SLC2A13: variants seen among roughly 807,000 people sequenced by gnomAD.
The protein encoded by SLC2A13 is solute carrier family 2 member 13, also known as proton myo-inositol cotransporter.
A neutral mutation model predicts 64.4 loss-of-function variants in SLC2A13; 32 were observed. The ratio of observed to expected loss-of-function variants is 0.50; its 90% CI spans 0.37 to 0.67. The LOEUF (loss-of-function observed/expected upper bound fraction) is 0.67. Ranked by LOEUF, SLC2A13 falls within the 30% of genes least tolerant of loss-of-function variation. The pLI, the probability that SLC2A13 is intolerant of heterozygous loss-of-function variation, is 0.00. For synonymous variants in SLC2A13, 338 were observed against 327.1 expected (o/e 1.03, Z -0.36); for missense variants, 743 against 829.2 (o/e 0.90, Z 1.28).
chr12:39,846,908 C>G (rs542035247), intron 6 of SLC2A13, among the ~76,000 whole-genome samples: 134 of 152,224 alleles, frequency 8.8e-4, no homozygotes, highest in African/African-American at 3.2e-3. Context: ...GATACTGTGA[C>G]CATTCTTTTT....
intron 1 of SLC2A13, among the ~76,000 whole-genome samples, chr12:40,101,939 T>C (rs142794163): frequency 0.019 from 400 of 21,430 alleles, 3 homozygotes; most frequent in African/African-American, 0.073. Context: ...TGAGGTAATA[T>C]GTGTAAAGTA....
intron 3 of SLC2A13, among the ~76,000 whole-genome samples, chr12:39,953,480 CATCATTA>C (rs1946267318): frequency 6.6e-6 from 1 of 151,908 alleles, no homozygotes; most frequent in Admixed American, 6.6e-5. Flanking sequence ...AAATGAAAAC[CATCATTA>C]ATCTTTATAT....
At chr12:39,763,419 T>C (rs1340010530) in intron 9 of SLC2A13, among the ~76,000 whole-genome samples, 1 of 152,058 alleles carries the variant, frequency 6.6e-6, no homozygotes, top group African/African-American at 2.4e-5. Context: ...ATCTGCAAAA[T>C]TTATCCATGT....
intron 1 of SLC2A13, among the ~76,000 whole-genome samples, chr12:40,060,888 G>C (rs1470904499): frequency 6.6e-6 from 1 of 152,116 alleles, no homozygotes; most frequent in Non-Finnish European, 1.5e-5. Flanking sequence ...ATCTTGTGGT[G>C]CATAAATGCA....
intron 4 of SLC2A13, among the ~76,000 whole-genome samples, chr12:39,902,226 A>C (rs1323213769): frequency 6.6e-6 from 1 of 150,986 alleles, no homozygotes; most frequent in Non-Finnish European, 1.5e-5. Context: ...GCATTAGGAG[A>C]TATACCTAAT....
chr12:40,101,145 T>C (rs1233347431), intron 1 of SLC2A13, among the ~76,000 whole-genome samples: 1 of 148,100 alleles, frequency 6.8e-6, no homozygotes, highest in Non-Finnish European at 1.5e-5. Flanking sequence ...AAGAGAAAAA[T>C]AAACTAGAGG....
intron 4 of SLC2A13, among the ~76,000 whole-genome samples, chr12:39,905,043 C>T (rs1430685991): frequency 1.3e-5 from 2 of 152,094 alleles, no homozygotes; most frequent in African/African-American, 4.8e-5. Flanking sequence ...TAGTGACAAG[C>T]CACCAAATTA....
At chr12:40,013,539 A>G (rs1338494499) in intron 3 of SLC2A13, among the ~76,000 whole-genome samples, 1 of 152,236 alleles carries the variant, frequency 6.6e-6, no homozygotes, top group Non-Finnish European at 1.5e-5. Context: ...TCTAGATATT[A>G]AGTAACACCC....
chr12:39,893,620 G>A (rs1159105282), intron 4 of SLC2A13, among the ~76,000 whole-genome samples: 1 of 152,178 alleles, frequency 6.6e-6, no homozygotes, highest in Non-Finnish European at 1.5e-5. Flanking sequence ...TTTCTAATAA[G>A]AGTAAAATCC....
intron 7 of SLC2A13, among the ~76,000 whole-genome samples, chr12:39,815,654 T>C (rs1942318764): frequency 2.0e-5 from 3 of 152,116 alleles, no homozygotes; most frequent in Admixed American, 6.5e-5. Flanking sequence ...TTATTGGTTA[T>C]AGAAAAAGCA....
chr12:39,898,542 A>G (rs1174251642), intron 4 of SLC2A13, among the ~76,000 whole-genome samples: 1 of 152,158 alleles, frequency 6.6e-6, no homozygotes, highest in East Asian at 1.9e-4. Flanking sequence ...TCCTTCAGCT[A>G]AACACCAGGC....
chr12:40,091,734 C>CA (rs1161620828), intron 1 of SLC2A13, among the ~76,000 whole-genome samples: 4 of 152,176 alleles, frequency 2.6e-5, no homozygotes, highest in Non-Finnish European at 5.9e-5. Flanking sequence ...GTTTTAATTA[C>CA]ACATGTGCCA....
intron 6 of SLC2A13, chr12:39,835,816 T>C (rs1432298175): frequency 6.6e-6 from 1 of 152,102 alleles, no homozygotes; most frequent in African/African-American, 2.4e-5. Flanking sequence ...TTGTACTTGG[T>C]TTATGGAAAA....
At chr12:40,060,221 CATATG>C (rs1008199150) in intron 1 of SLC2A13, among the ~76,000 whole-genome samples, 3 of 152,104 alleles carry the variant, frequency 2.0e-5, no homozygotes, top group Admixed American at 2.0e-4. Flanking sequence ...AGGTAAATAA[CATATG>C]ATAGGTATAT....
chr12:39,918,246 A>G (rs1404922702), intron 4 of SLC2A13, among the ~76,000 whole-genome samples: 1 of 152,124 alleles, frequency 6.6e-6, no homozygotes, highest in East Asian at 1.9e-4. Flanking sequence ...TTTCCTAGCA[A>G]GTATAAACCC....
At chr12:39,793,387 CA>C (rs1941472370) in intron 7 of SLC2A13, among the ~76,000 whole-genome samples, 2 of 152,038 alleles carry the variant, frequency 1.3e-5, no homozygotes, top group Non-Finnish European at 2.9e-5. Context: ...GTAAAGACAT[CA>C]ATTCATCCCA....
At chr12:39,916,278 T>C (rs982011750) in intron 4 of SLC2A13, among the ~76,000 whole-genome samples, 6 of 151,996 alleles carry the variant, frequency 3.9e-5, no homozygotes, top group South Asian at 2.1e-4. Context: ...CTAAAATGTA[T>C]TGAATTTTTC....
At chr12:40,090,772 A>G (rs1196530229) in intron 1 of SLC2A13, among the ~76,000 whole-genome samples, 1 of 152,134 alleles carries the variant, frequency 6.6e-6, no homozygotes, top group Non-Finnish European at 1.5e-5. Flanking sequence ...CTTTTTTTAA[A>G]CAGGGTTCTT....
rs1224508852 is a variant in SLC2A13 at position 39,764,767 on chromosome 12, G to C, written c.1537C>G (p.Leu513Val). ...TPYSWTALLGLILYLVFFAPG... is the reference protein window; with the variant it reads ...TPYSWTALLGVILYLVFFAPG... ...GCAAAGAAGACAAGATATAAAATAAGGCCCAGAAGTGCAGTCCAGGAGTAT... is the reference window on the plus strand; with the variant it reads ...GCAAAGAAGACAAGATATAAAATAACGCCCAGAAGTGCAGTCCAGGAGTAT... The change falls in exon 8 of 10, where the codon CTT becomes GTT. Residue 513 changes from leucine to valine, a missense_variant. Coordinates refer to ENST00000280871, the MANE Select transcript of SLC2A13 (RefSeq NM_052885.4). 6.2e-7 allele frequency: 1 copy of C among 1,612,754 alleles called. No individual in the cohort carries two copies. The highest frequency in any genetic ancestry group is 1.7e-4 in the Middle Eastern group (1 of 6,042).
Sources: gnomAD v4.1 joint callset for allele counts (sites outside exome capture counted in the v4.1 genomes callset) on GRCh38, gnomAD v4.1.1 for gene constraint, MANE v1.5 for transcripts, NCBI Gene and HGNC (gene_info 2026-07-23, HGNC 2026-07-21) for gene names.